Variants in FARS2 observed in about 807,000 individuals in gnomAD.
The protein encoded by FARS2 is phenylalanyl-tRNA synthetase 2, mitochondrial.
FARS2 carries 40 observed loss-of-function variants against 46.4 expected under a neutral mutation model. The ratio of observed to expected loss-of-function variants is 0.86; its 90% confidence interval spans 0.67 to 1.12. The LOEUF is 1.12. Ranked by LOEUF, FARS2 falls within the 50% of genes most tolerant of loss-of-function variation. FARS2 has a pLI of 0.00. For synonymous variants in FARS2, 234 were observed against 214.9 expected, an observed-to-expected ratio of 1.09 and a Z score of -0.78; for missense variants, 513 against 567.9, an observed-to-expected ratio of 0.90 and a Z score of 0.98.
rs12110412 is a variant in FARS2 at position 5,399,177 on chromosome 6, C to T, written c.613-5365C>T. Among the ~76,000 whole-genome samples, 270 of 91,308 alleles carry T rather than the reference C, an allele frequency of 3.0e-3. 2 individuals carry two copies. Among genetic ancestry groups the T allele is most frequent in the East Asian group, 0.017 (25 of 1,482 alleles). The allele number at this position is 91,308 out of a possible 152,430, so 59.9% of individuals were successfully genotyped here. On this transcript the variant is annotated intron_variant, in intron 2 of 6. Transcript: ENST00000274680. ...TTATTATTATTATTATTATTATTAT[C>T]ATCATCATCATCATCGAGACGGAGT...
intron 2 of FARS2, among the ~76,000 whole-genome samples, chr6:5,376,919 C>T (rs72815657): frequency 0.062 from 9,441 of 152,022 alleles, 411 homozygotes; most frequent in South Asian, 0.13. Flanking sequence ...AAATCAAGGT[C>T]GTGATTATTT....
rs1281066235 is a variant in FARS2, at chr6:5,311,062, G to T, written c.-22+49402G>T. Reference sequence around the variant, plus strand: ...AAGGATGCTTATTTCAGCACTGGTTGTCACAGCAGAAACCTGGGAACAGTC... The same window carrying T: ...AAGGATGCTTATTTCAGCACTGGTTTTCACAGCAGAAACCTGGGAACAGTC... On this transcript the variant is annotated intron_variant, in intron 1 of 6. Transcript: ENST00000274680. This position sits in a 1 kb window ranked among gnomAD's most constrained non-coding sequence, Gnocchi z 4.1. 1.3e-5 allele frequency among the ~76,000 whole-genome samples: 2 copies of T among 152,192 alleles called. No individual in the cohort carries two copies. Among genetic ancestry groups the T allele is most frequent in the African/African-American group, 4.8e-5 (2 of 41,444 alleles).
intron 1 of FARS2, among the ~76,000 whole-genome samples, chr6:5,367,119 A>C (rs1561988414): frequency 6.6e-6 from 1 of 152,230 alleles, no homozygotes; most frequent in Admixed American, 6.5e-5. Context: ...CAGCCATTCA[A>C]CTTGCAGCTA....
At chr6:5,532,783 T>TAATAATAAGAAGAAGAAG (rs894517533) in intron 4 of FARS2, among the ~76,000 whole-genome samples, 11 of 138,668 alleles carry the variant, frequency 7.9e-5, no homozygotes, top group African/African-American at 3.0e-4. Context: ...ATAATAATAA[T>TAATAATAAGAAGAAGAAG]AAGAAGAAGA....
intron 6 of FARS2, among the ~76,000 whole-genome samples, chr6:5,664,744 G>A (rs985765812): frequency 7.9e-5 from 12 of 152,180 alleles, no homozygotes; most frequent in Admixed American, 2.0e-4. Context: ...CAACATGGAC[G>A]CTTCCTCAGC....
intron 6 of FARS2, among the ~76,000 whole-genome samples, chr6:5,720,966 T>C (rs917154176): frequency 3.3e-5 from 5 of 152,138 alleles, no homozygotes; most frequent in African/African-American, 1.2e-4. Context: ...GGTGAAAAAA[T>C]TGTTTGAGGC....
chr6:5,647,742 T>G (rs1453906084), intron 6 of FARS2, among the ~76,000 whole-genome samples: 1 of 152,196 alleles, frequency 6.6e-6, no homozygotes, highest in Non-Finnish European at 1.5e-5. Flanking sequence ...CAAAGACAGG[T>G]TAAATGCAAA....
At position 5,530,792 on chromosome 6, in the gene FARS2, C is replaced by G. The variant is rs144802243; in HGVS notation, c.905-14388C>G. Among the ~76,000 whole-genome samples, 998 of 144,318 alleles carry G rather than the reference C, an allele frequency of 6.9e-3. 10 individuals are homozygous for G. Among genetic ancestry groups the G allele is most frequent in the African/African-American group, 0.024 (952 of 39,634 alleles). 94.7% of individuals were successfully genotyped at this position (144,318 alleles called of 152,430 possible). ...ATTTCATATATTGTATAATATAGAA[C>G]TATATATTGACAAATATATCAATAT... On this transcript the variant is annotated intron_variant, in intron 4 of 6. Coordinates refer to ENST00000274680, the MANE Select transcript of FARS2 (RefSeq NM_006567.5).
chr6:5,728,904 G>T (rs904240059), intron 6 of FARS2, among the ~76,000 whole-genome samples: 2 of 152,172 alleles, frequency 1.3e-5, no homozygotes, highest in Non-Finnish European at 1.5e-5. Flanking sequence ...GCTCACCACT[G>T]TCCCTTCACT....
In FARS2 at chr6:5,408,273, G is replaced by T. The variant is rs117861059; in HGVS notation, c.772+3572G>T. The stretch of plus-strand genomic sequence containing the variant: ...CAGCCTGTGCTCCTGGAAGGCTCCT[G>T]CTGAGGCACATGCACGCTGACACCT... On this transcript the variant is annotated intron_variant, in intron 3 of 6. Transcript: ENST00000274680. 2.4e-3 allele frequency among the ~76,000 whole-genome samples: 366 copies of T among 152,320 alleles called. 6 individuals are homozygous for T. In the East Asian group the frequency reaches 0.059, roughly 24 times the overall value.
At chr6:5,488,013 T>C (rs1442096596) in intron 4 of FARS2, among the ~76,000 whole-genome samples, 1 of 152,240 alleles carries the variant, frequency 6.6e-6, no homozygotes, top group Non-Finnish European at 1.5e-5. Flanking sequence ...TGAAGCAGTG[T>C]TCTTTGCTTG....
At chr6:5,253,833 C>CA in the FARS2 span, among the ~76,000 whole-genome samples, 85 of 137,760 alleles carry the variant, frequency 6.2e-4, no homozygotes, top group East Asian at 8.5e-4. Flanking sequence ...TCATGCTGAG[C>CA]AAAAAAAAAA....
At chr6:5,650,648 T>A (rs1365365234) in intron 6 of FARS2, among the ~76,000 whole-genome samples, 1 of 151,860 alleles carries the variant, frequency 6.6e-6, no homozygotes, top group African/African-American at 2.4e-5. Context: ...GCCCGGCCAA[T>A]TTTTGTATTT....
intron 2 of FARS2, among the ~76,000 whole-genome samples, chr6:5,393,633 G>T (rs565437207): frequency 3.3e-4 from 50 of 152,202 alleles, no homozygotes; most frequent in East Asian, 1.2e-3. Flanking sequence ...CTCCAGCCTG[G>T]TGACAGACCG....
chr6:5,581,060 G>A (rs925510233), intron 5 of FARS2, among the ~76,000 whole-genome samples: 10 of 152,350 alleles, frequency 6.6e-5, no homozygotes, highest in African/African-American at 2.4e-4. Flanking sequence ...GCCCATGGTT[G>A]TTGTTTTGAA....
At chr6:5,268,163 A>T (rs1049328324) in intron 1 of FARS2, among the ~76,000 whole-genome samples, 2 of 151,628 alleles carry the variant, frequency 1.3e-5, no homozygotes, top group Non-Finnish European at 2.9e-5. Context: ...TTGCCTGTTC[A>T]CTCTGATGGT....
intron 4 of FARS2, among the ~76,000 whole-genome samples, chr6:5,537,324 A>G (rs1472277416): frequency 6.6e-6 from 1 of 152,244 alleles, no homozygotes; most frequent in Middle Eastern, 3.2e-3. Context: ...AAGGGATGGC[A>G]TTGAGCAATA....
chr6:5,716,593 G>A (rs1156891296), intron 6 of FARS2, among the ~76,000 whole-genome samples: 1 of 152,164 alleles, frequency 6.6e-6, no homozygotes, highest in Non-Finnish European at 1.5e-5. Context: ...TACCTGGAGG[G>A]CCCACAGGTT....
At chr6:5,675,884 A>G (rs1267586784) in intron 6 of FARS2, among the ~76,000 whole-genome samples, 1 of 152,186 alleles carries the variant, frequency 6.6e-6, no homozygotes, top group East Asian at 1.9e-4. Context: ...TGTTTTCCTA[A>G]TCACCTTTCC....
Sources: gnomAD v4.1 joint callset for allele counts (sites outside exome capture counted in the v4.1 genomes callset) on GRCh38, gnomAD v4.1.1 for gene constraint, Gnocchi (gnomAD v3.1) non-coding constraint, MANE v1.5 for transcripts, NCBI Gene and HGNC (gene_info 2026-07-23, HGNC 2026-07-21) for gene names.